The following GPC5 variants were observed in gnomAD, a reference collection of about 807,000 sequenced individuals.
GPC5 encodes glypican 5, also known as glypican-5.
In GPC5, 47 loss-of-function variants were observed where a neutral mutation model predicts 53.9. The observed-to-expected ratio is 0.87, with a 90% CI of 0.69 to 1.11. The LOEUF (loss-of-function observed/expected upper bound fraction) is 1.11. Ranked by LOEUF, GPC5 falls within the 50% of genes most tolerant of loss-of-function variation. The probability of loss-of-function intolerance (pLI) is 0.00; values close to 1 mark genes in which losing one functional copy is unlikely to be tolerated. For synonymous variants in GPC5, 286 were observed against 263.3 expected (o/e 1.09, Z -0.84); for missense variants, 748 against 713.1 (o/e 1.05, Z -0.56).
At chr13:91,963,124 T>C (rs1247166621) in intron 6 of GPC5, among the ~76,000 whole-genome samples, 2 of 152,152 alleles carry the variant, frequency 1.3e-5, no homozygotes, top group Non-Finnish European at 2.9e-5. Flanking sequence ...CTTCTCATCT[T>C]CAAACAGGGA....
chr13:92,489,633 C>T (rs1226622383), intron 7 of GPC5, among the ~76,000 whole-genome samples: 1 of 152,032 alleles, frequency 6.6e-6, no homozygotes, highest in African/African-American at 2.4e-5. Context: ...CTAGAGTTTG[C>T]CATTAAGCTT....
chr13:91,966,313 G>A (rs920347791), intron 6 of GPC5, among the ~76,000 whole-genome samples: 8 of 152,192 alleles, frequency 5.3e-5, no homozygotes, highest in African/African-American at 1.7e-4. Context: ...AATCAAAAGT[G>A]TATAATGGGA....
chr13:92,721,046 T>A (rs560409253), intron 7 of GPC5, among the ~76,000 whole-genome samples: 2 of 151,922 alleles, frequency 1.3e-5, no homozygotes, highest in African/African-American at 2.4e-5. Flanking sequence ...AGGACTCTGA[T>A]AAAGGTATAG....
intron 7 of GPC5, among the ~76,000 whole-genome samples, chr13:92,629,785 A>G (rs1172519629): frequency 3.3e-5 from 5 of 152,160 alleles, no homozygotes; most frequent in East Asian, 3.9e-4. Context: ...TAGAAAATAC[A>G]CAAGTCATGA....
At chr13:92,031,439 G>A (rs754266009) in intron 6 of GPC5, among the ~76,000 whole-genome samples, 15 of 151,574 alleles carry the variant, frequency 9.9e-5, no homozygotes, top group Non-Finnish European at 1.2e-4. Flanking sequence ...TCTACTTTTA[G>A]TTCTTTAAGG....
chr13:92,059,253 GGAGGGTAATTACCCA>G, intron 6 of GPC5, among the ~76,000 whole-genome samples: 18 of 151,418 alleles, frequency 1.2e-4, no homozygotes, highest in African/African-American at 4.2e-4. Flanking sequence ...GCACACATCT[GGAGGGTAATTACCCA>G]TTATATAGAA....
At chr13:92,349,206 C>T (rs7139377) in intron 7 of GPC5, among the ~76,000 whole-genome samples, 69,694 of 152,000 alleles carry the variant, frequency 0.46, 17,083 homozygotes, top group African/African-American at 0.65. Context: ...TGCGATGGCA[C>T]GATCTCGGCT....
intron 6 of GPC5, among the ~76,000 whole-genome samples, chr13:91,992,281 C>A (rs1055712224): frequency 6.6e-6 from 1 of 152,100 alleles, no homozygotes; most frequent in Non-Finnish European, 1.5e-5. Flanking sequence ...CATCCTCCCA[C>A]CTCAGCCGCC....
intron 3 of GPC5, among the ~76,000 whole-genome samples, chr13:91,703,047 C>T (rs1477138163): frequency 1.3e-5 from 2 of 151,772 alleles, no homozygotes; most frequent in African/African-American, 4.8e-5. Flanking sequence ...ATTTGTTTAC[C>T]AAATTTGTTT....
At chr13:91,906,636 A>G (rs2039555913) in intron 5 of GPC5, among the ~76,000 whole-genome samples, 1 of 152,118 alleles carries the variant, frequency 6.6e-6, no homozygotes, top group Admixed American at 6.6e-5. Context: ...ATTGTGTCTT[A>G]CACCTTCTTA....
chr13:92,213,123 G>A (rs532607641), intron 7 of GPC5, among the ~76,000 whole-genome samples: 7 of 152,308 alleles, frequency 4.6e-5, no homozygotes, highest in Admixed American at 1.3e-4. Flanking sequence ...TGAACTCAAA[G>A]CTCAGGTTTC....
chr13:91,953,598 A>G (rs575027328), intron 6 of GPC5, among the ~76,000 whole-genome samples: 7 of 152,338 alleles, frequency 4.6e-5, no homozygotes, highest in South Asian at 4.1e-4. Context: ...GCCCTAGTTC[A>G]TTCGGGCTGC....
At chr13:91,824,500 C>T (rs952217678) in intron 5 of GPC5, among the ~76,000 whole-genome samples, 2 of 152,048 alleles carry the variant, frequency 1.3e-5, no homozygotes, top group African/African-American at 2.4e-5. Context: ...ATTAAAGTTC[C>T]AGTACTGGCT....
At position 91,399,004 on chromosome 13, in the gene GPC5, G is replaced by A. The variant is rs1157516176; in HGVS notation, c.-43G>A. 6.5e-7 allele frequency: 1 copy of A among 1,535,140 alleles called. No individual in the cohort carries two copies. Among genetic ancestry groups the A allele is most frequent in the Admixed American group, 2.0e-5 (1 of 50,212 alleles). Reference sequence around the variant, plus strand: ...GCAGCTCAGCCAGGGCGCGCAGGGCGAGTGGGGTCCACTGGCGGGTAAAGG... The same window carrying A: ...GCAGCTCAGCCAGGGCGCGCAGGGCAAGTGGGGTCCACTGGCGGGTAAAGG... On this transcript the variant is annotated 5_prime_UTR_variant, in exon 1 of 8. Transcript: ENST00000377067.
intron 2 of GPC5, among the ~76,000 whole-genome samples, chr13:91,522,371 G>A (rs1169250051): frequency 6.6e-6 from 1 of 152,144 alleles, no homozygotes; most frequent in Admixed American, 6.5e-5. Context: ...GTTTAAGAGT[G>A]ATATGTCAGG....
At chr13:92,762,163 T>C (rs1875206245) in intron 7 of GPC5, among the ~76,000 whole-genome samples, 1 of 152,088 alleles carries the variant, frequency 6.6e-6, no homozygotes, top group African/African-American at 2.4e-5. Flanking sequence ...CTCTATCATA[T>C]ATATCTCTAG....
At chr13:91,813,772 A>G (rs767903106) in intron 5 of GPC5, among the ~76,000 whole-genome samples, 3 of 152,170 alleles carry the variant, frequency 2.0e-5, no homozygotes, top group Non-Finnish European at 4.4e-5. Context: ...GTTTAGAAAA[A>G]CAAATAAATA....
rs899316055 is a variant in GPC5 at position 91,736,860 on chromosome 13, A to G, written c.1154+8195A>G. On this transcript the variant is annotated intron_variant, in intron 4 of 7. Coordinates refer to ENST00000377067, the MANE Select transcript of GPC5 (RefSeq NM_004466.6). The stretch of plus-strand genomic sequence containing the variant: ...AACTCCCACTGGGCAAGTTCAGGAC[A>G]GTGGGTTTTGTAAGGTGGAAATGAG... Among the ~76,000 whole-genome samples the G allele has an allele frequency of 7.3e-5, 11 of 151,442 alleles. 1 individual carries two copies. Among genetic ancestry groups the G allele is most frequent in the African/African-American group, 2.7e-4 (11 of 40,764 alleles).
chr13:92,786,557 C>T (rs1220935095), intron 7 of GPC5, among the ~76,000 whole-genome samples: 1 of 151,810 alleles, frequency 6.6e-6, no homozygotes, highest in Non-Finnish European at 1.5e-5. Context: ...ATAACACTGG[C>T]GATACTAGAA....
Sources: gnomAD v4.1 joint callset for allele counts (sites outside exome capture counted in the v4.1 genomes callset) on GRCh38, gnomAD v4.1.1 for gene constraint, MANE v1.5 for transcripts, NCBI Gene and HGNC (gene_info 2026-07-23, HGNC 2026-07-21) for gene names.